Variants in WWOX observed in about 807,000 individuals in gnomAD.
WWOX encodes the protein WW domain containing oxidoreductase.
A neutral mutation model predicts 46.2 loss-of-function variants in WWOX; 69 were observed. That is an observed-to-expected ratio of 1.49 (90% confidence interval 1.23 to 1.82). The LOEUF is 1.82. Among genes scored for constraint, WWOX ranks in the 40% most tolerant of loss-of-function variants. WWOX has a pLI of 0.00. For synonymous variants in WWOX, 359 were observed against 202.6 expected, an observed-to-expected ratio of 1.77 and a Z score of -6.56; for missense variants, 919 against 542.6, an observed-to-expected ratio of 1.69 and a Z score of -6.89.
At chr16:78,985,969 C>T (rs1369004414) in intron 8 of WWOX, among the ~76,000 whole-genome samples, 1 of 152,224 alleles carries the variant, frequency 6.6e-6, no homozygotes, top group Non-Finnish European at 1.5e-5. Flanking sequence ...AAGTTCATGG[C>T]TCAGAGCCAA....
At chr16:78,207,481 G>A (rs1013464769) in intron 5 of WWOX, among the ~76,000 whole-genome samples, 1 of 150,366 alleles carries the variant, frequency 6.7e-6, no homozygotes, top group Non-Finnish European at 1.5e-5. Context: ...TCAGCACTAA[G>A]TATTATCTCC....
At chr16:78,982,078 C>T (rs1410823556) in intron 8 of WWOX, among the ~76,000 whole-genome samples, 1 of 152,032 alleles carries the variant, frequency 6.6e-6, no homozygotes, top group African/African-American at 2.4e-5. Flanking sequence ...TTTGGCCCAT[C>T]TGAGCCTCAC....
At chr16:78,321,055 A>G (rs987003780) in intron 5 of WWOX, among the ~76,000 whole-genome samples, 3 of 152,134 alleles carry the variant, frequency 2.0e-5, no homozygotes, top group Non-Finnish European at 4.4e-5. Context: ...GAGAATACTC[A>G]TACTCAGTGC....
rs543049075 is a variant in WWOX at position 78,504,956 on chromosome 16, G to A, written c.1056+72204G>A. On this transcript the variant is annotated intron_variant, in intron 8 of 8. Coordinates refer to ENST00000566780, the MANE Select transcript of WWOX (RefSeq NM_016373.4). ...GTTGCAGGACTCCCCGGAAAAGAAT[G>A]TATAAATTGATGTGTTTTTGTATAT... Among the ~76,000 whole-genome samples, 98 of 152,234 alleles carry A rather than the reference G, an allele frequency of 6.4e-4. 1 individual carries two copies. The highest frequency in any genetic ancestry group is 3.4e-3 in the Middle Eastern group (1 of 294).
At chr16:78,933,035 T>G (rs1176244535) in intron 8 of WWOX, among the ~76,000 whole-genome samples, 3 of 152,340 alleles carry the variant, frequency 2.0e-5, no homozygotes, top group Middle Eastern at 3.4e-3. Flanking sequence ...GTTAAGAGTT[T>G]CTATGAGACA....
intron 8 of WWOX, among the ~76,000 whole-genome samples, chr16:78,788,451 C>A (rs1029026264): frequency 6.6e-6 from 1 of 152,204 alleles, no homozygotes; most frequent in Non-Finnish European, 1.5e-5. Flanking sequence ...GAGAGTCAGT[C>A]CTGCCTTATG....
intron 8 of WWOX, among the ~76,000 whole-genome samples, chr16:78,780,650 G>C (rs963099576): frequency 6.6e-6 from 1 of 152,118 alleles, no homozygotes; most frequent in African/African-American, 2.4e-5. Flanking sequence ...TTGAACTTAA[G>C]AATCAAAAAC....
At chr16:78,538,798 G>C (rs574742408) in intron 8 of WWOX, among the ~76,000 whole-genome samples, 2 of 152,300 alleles carry the variant, frequency 1.3e-5, no homozygotes, top group African/African-American at 2.4e-5. Flanking sequence ...TAAAACGCAT[G>C]GGTGGAAATG....
At chr16:78,778,127 G>C (rs889809749) in intron 8 of WWOX, among the ~76,000 whole-genome samples, 3 of 151,402 alleles carry the variant, frequency 2.0e-5, no homozygotes, top group African/African-American at 7.3e-5. Flanking sequence ...GAAGTCTGAA[G>C]TTCAAACTGG....
At chr16:79,162,892 C>T (rs12443833) in intron 8 of WWOX, among the ~76,000 whole-genome samples, 66,842 of 152,132 alleles carry the variant, frequency 0.44, 15,257 homozygotes, top group East Asian at 0.73. Context: ...TCTCTGCCTC[C>T]TGTTGCTCTG....
chr16:78,418,059 G>A (rs1567560301), intron 6 of WWOX, among the ~76,000 whole-genome samples: 1 of 152,136 alleles, frequency 6.6e-6, no homozygotes, highest in Non-Finnish European at 1.5e-5. Flanking sequence ...TTTCCAGCAA[G>A]CGCTTAAAGA....
At chr16:79,046,878 G>T (rs148366400) in intron 8 of WWOX, among the ~76,000 whole-genome samples, 3 of 151,778 alleles carry the variant, frequency 2.0e-5, no homozygotes, top group Non-Finnish European at 2.9e-5. Context: ...TCTTCTTCTC[G>T]TACTTCCCAT....
At chr16:79,037,453 A>G (rs1375348984) in intron 8 of WWOX, among the ~76,000 whole-genome samples, 1 of 152,158 alleles carries the variant, frequency 6.6e-6, no homozygotes, top group East Asian at 1.9e-4. Flanking sequence ...GGTTCGTTAC[A>G]TCAAGTTGTG....
chr16:78,887,225 A>G (rs2044483578), intron 8 of WWOX, among the ~76,000 whole-genome samples: 1 of 151,646 alleles, frequency 6.6e-6, no homozygotes, highest in Admixed American at 6.6e-5. Flanking sequence ...CTCAATGTCA[A>G]CTTAATCCAT....
At chr16:78,898,955 C>T (rs1266376447) in intron 8 of WWOX, 1 of 152,070 alleles carries the variant, frequency 6.6e-6, no homozygotes, top group Non-Finnish European at 1.5e-5. Context: ...TAGCAAACTG[C>T]TCTCATATCC....
chr16:78,725,500 A>C (rs746593598), intron 8 of WWOX, among the ~76,000 whole-genome samples: 4 of 150,292 alleles, frequency 2.7e-5, no homozygotes, highest in Non-Finnish European at 4.4e-5. Context: ...GGCATCTGCC[A>C]CCATGCACGG....
intron 8 of WWOX, among the ~76,000 whole-genome samples, chr16:78,703,150 G>A (rs568860828): frequency 6.6e-6 from 1 of 152,060 alleles, no homozygotes; most frequent in African/African-American, 2.4e-5. Flanking sequence ...AGAGAGGGAG[G>A]GGTGGTCGTG....
chr16:78,401,255 T>G (rs2082406261), intron 6 of WWOX, among the ~76,000 whole-genome samples: 1 of 150,258 alleles, frequency 6.7e-6, no homozygotes, highest in South Asian at 2.1e-4. Flanking sequence ...TTCCATAATT[T>G]AGTGAAGATA....
intron 8 of WWOX, among the ~76,000 whole-genome samples, chr16:79,084,474 G>T (rs2150587455): frequency 6.6e-6 from 1 of 152,234 alleles, no homozygotes; most frequent in East Asian, 1.9e-4. Context: ...AGGGTAGAGT[G>T]CAGTGGTACA....
Sources: gnomAD v4.1 joint callset for allele counts (sites outside exome capture counted in the v4.1 genomes callset) on GRCh38, gnomAD v4.1.1 for gene constraint, MANE v1.5 for transcripts, NCBI Gene and HGNC (gene_info 2026-07-23, HGNC 2026-07-21) for gene names.